The following EIF4G1 variants were observed in gnomAD, a reference collection of about 807,000 sequenced individuals.
EIF4G1 encodes the protein eukaryotic translation initiation factor 4 gamma 1.
A neutral mutation model predicts 187.8 loss-of-function variants in EIF4G1; 4 were observed. That is an observed-to-expected ratio of 0.02 (90% CI 0.01 to 0.05). The LOEUF (loss-of-function observed/expected upper bound fraction) is 0.05. Ranked by LOEUF, EIF4G1 falls within the 10% of genes least tolerant of loss-of-function variation. The probability of loss-of-function intolerance (pLI) is 1.00; values close to 1 mark genes in which losing one functional copy is unlikely to be tolerated. For synonymous variants in EIF4G1, 844 were observed against 781.4 expected (o/e 1.08, Z -1.34); for missense variants, 1,647 against 2,081.1 (o/e 0.79, Z 4.06).
chr3:184,316,520 C>G, intron 4 of EIF4G1, among the ~76,000 whole-genome samples: 1 of 152,156 alleles, frequency 6.6e-6, no homozygotes, highest in East Asian at 1.9e-4. Flanking sequence ...GCTGCTATTG[C>G]TCTATTGCTC....
Position 184,327,266 on chromosome 3 carries a change from G to T in EIF4G1, c.3479G>T (p.Arg1160Leu). 2 of 1,613,548 alleles carry T rather than the reference G, an allele frequency of 1.2e-6. No homozygotes were observed. Among genetic ancestry groups the T allele is most frequent in the Non-Finnish European group, 1.7e-6 (2 of 1,180,050 alleles). Reference protein sequence around the residue: ...RGEKAGDRGDRLERSERGGDR... With the variant: ...RGEKAGDRGDLLERSERGGDR... ...GAGAAAGCTGGAGACCGAGGAGACC[G>T]CCTAGAGCGGAGTGAACGGGGAGGG... Residue 1160 changes from arginine to leucine, a missense_variant, in exon 24 of 33, where the codon CGC becomes CTC. Arg to Leu is a moderately radical substitution (Grantham distance 102, BLOSUM62 -2). Transcript: ENST00000346169.
intron 10 of EIF4G1, 30 bp downstream of exon 10, chr3:184,322,133 G>T: frequency 6.2e-7 from 1 of 1,614,028 alleles, no homozygotes; most frequent in Non-Finnish European, 8.5e-7. Flanking sequence ...TAGAGGTAGG[G>T]CGGGCTAGGG....
chr3:184,327,028 T>C (rs1337431898), intron 23 of EIF4G1, 45 bp downstream of exon 23: 5 of 1,611,862 alleles, frequency 3.1e-6, no homozygotes, highest in South Asian at 1.1e-5. Flanking sequence ...GGGGGTACCG[T>C]GATTGGGTTC....
intron 7 of EIF4G1, 64 bp from the exon 8 acceptor site, chr3:184,320,566 T>A: frequency 6.2e-7 from 1 of 1,613,044 alleles, no homozygotes; most frequent in Non-Finnish European, 8.5e-7. Context: ...GTCTTAAGAT[T>A]GGGGCAGGGT....
At chr3:184,318,111 G>C (rs770837691) in intron 6 of EIF4G1, among the ~76,000 whole-genome samples, 10 of 152,186 alleles carry the variant, frequency 6.6e-5, no homozygotes, top group South Asian at 2.1e-4. Flanking sequence ...CCATGGTTGG[G>C]AGCCCATGTA....
chr3:184,334,878 T>C lies in EIF4G1; in HGVS notation c.4770T>C (p.Arg1590=), dbSNP rs199888870. The change falls in exon 33 of 33, where the codon CGT becomes CGC. Residue 1590 remains arginine (R), a synonymous_variant. Transcript: ENST00000346169. The surrounding 1 kb of genome is among the most constrained non-coding windows in gnomAD (Gnocchi z 5.8). The part of the protein sequence containing the change: ...KSVTAFFKWL[R]EAEEESDHN ...TCACAGCCTTCTTCAAGTGGCTCCG[T>C]GAAGCAGAGGAGGAGTCTGACCACA... is the stretch of plus-strand genomic sequence containing the variant. 23 of 1,614,152 alleles carry C rather than the reference T, an allele frequency of 1.4e-5. No individual in the cohort carries two copies. In the African/African-American group the frequency reaches 2.7e-4, roughly 19 times the overall value.
Position 184,329,095 on chromosome 3 carries a change from A to C in EIF4G1, c.4161+105A>C, listed in dbSNP as rs1725525894. ...CCATTGGTGGAGTGGAGTGATGGTG[A>C]TGACAGGATTGTGTTGGTACCTGGG... On this transcript the variant is annotated intron_variant, in intron 28 of 32. Transcript: ENST00000346169. 18 of 1,354,890 alleles carry C rather than the reference A, an allele frequency of 1.3e-5. 2 individuals are homozygous for C. In the Middle Eastern group the frequency reaches 7.3e-4, roughly 55 times the overall value. The allele number at this position is 1,354,890 out of a possible 1,614,324, so 83.9% of individuals were successfully genotyped here. A position where few individuals can be genotyped will look rare whatever the true frequency, so the allele number is the denominator to read the frequency against.
intron 9 of EIF4G1, 50 bp from the exon 10 acceptor site, chr3:184,321,232 G>C (rs573781627): frequency 6.2e-7 from 1 of 1,608,868 alleles, no homozygotes; most frequent in South Asian, 1.1e-5. Flanking sequence ...AGGAACAACA[G>C]CAGTTAAGCA....
chr3:184,326,137 AACACACACACACACAC>A (rs34901174), intron 21 of EIF4G1, among the ~76,000 whole-genome samples, 186 bp downstream of exon 21: 1 of 146,958 alleles, frequency 6.8e-6, no homozygotes. Context: ...GTGTTTGGCA[AACACACACACACACAC>A]ACACACACAC....
At position 184,321,507 on chromosome 3, in the gene EIF4G1, G is replaced by A; in HGVS notation, c.923G>A (p.Gly308Glu). ...TCAACCCCCATCTCCCGTGAAACTGGGGAGCCATATCGCCTCTCTCCAGAA... is the reference window on the plus strand; with the variant it reads ...TCAACCCCCATCTCCCGTGAAACTGAGGAGCCATATCGCCTCTCTCCAGAA... ...EESTPISRETGEPYRLSPEPT... is the reference protein window; with the variant it reads ...EESTPISRETEEPYRLSPEPT... Residue 308 changes from glycine to glutamate, a missense_variant, in exon 10 of 33, where the codon GGG becomes GAG. Gly to Glu is a moderately conservative substitution (Grantham distance 98). Transcript: ENST00000346169. 6.2e-7 allele frequency: 1 copy of A among 1,614,092 alleles called. No individual in the cohort carries two copies. The highest frequency in any genetic ancestry group is 2.2e-5 in the East Asian group (1 of 44,878).
chr3:184,315,275 C>T (rs1722543458), intron 1 of EIF4G1: 1 of 455,898 alleles, frequency 2.2e-6, no homozygotes. Context: ...TAGCTTCTGG[C>T]CCAGTGCGGG....
chr3:184,321,541 T>C lies in EIF4G1; in HGVS notation c.957T>C (p.Pro319=), dbSNP rs747506095. Residue 319 remains proline (P), a synonymous_variant, in exon 10 of 33, where the codon CCT becomes CCC. Coordinates refer to ENST00000346169, the MANE Select transcript of EIF4G1 (RefSeq NM_198241.3). ...EPYRLSPEPT[P]LAEPILEVEV... ...ATCGCCTCTCTCCAGAACCCACTCC[T>C]CTCGCCGAACCCATACTGGAAGTAG... The C allele has an allele frequency of 4.3e-6, 7 of 1,614,026 alleles. No homozygotes were observed. Among genetic ancestry groups the C allele is most frequent in the African/African-American group, 1.3e-5 (1 of 74,908 alleles).
In EIF4G1 at chr3:184,317,406, C is replaced by T. The variant is rs1480976208; in HGVS notation, c.233C>T (p.Ala78Val). ...GCCCCTGCCCGCCCTGGCCCAGCTG[C>T]CCATGTCTACCCTGCTGGATCCCAA... ...SAAPARPGPA[A>V]HVYPAGSQVM... Residue 78 changes from alanine to valine, a missense_variant, in exon 5 of 33, where the codon GCC becomes GTC. Ala to Val is a moderately conservative substitution (Grantham distance 64, BLOSUM62 0). This residue lies in a region of EIF4G1 where 139 missense variants were observed against 187.3 expected (regional missense o/e 0.74). Coordinates refer to ENST00000346169, the MANE Select transcript of EIF4G1 (RefSeq NM_198241.3). 4 of 1,614,132 alleles carry T rather than the reference C, an allele frequency of 2.5e-6. No individual in the cohort carries two copies. Among genetic ancestry groups the T allele is most frequent in the Non-Finnish European group, 3.4e-6 (4 of 1,180,014 alleles).
rs575770268 is a variant in EIF4G1, at chr3:184,327,130, G to T, written c.3429-86G>T. 91 of 1,580,938 alleles carry T rather than the reference G, an allele frequency of 5.8e-5. No homozygotes were observed. The African/African-American group carries it at 1.1e-3, about 20-fold the overall frequency. On this transcript the variant is annotated intron_variant, in intron 23 of 32. Coordinates refer to ENST00000346169, the MANE Select transcript of EIF4G1 (RefSeq NM_198241.3). The stretch of plus-strand genomic sequence containing the variant: ...GGCATACTCATTATGCTAAGAACAA[G>T]GCCCAACAGTTGCTCAGCATGTTGT...
At chr3:184,316,700 C>T in intron 4 of EIF4G1, 2 of 1,594,820 alleles carry the variant, frequency 1.3e-6, no homozygotes, top group Non-Finnish European at 1.7e-6. Context: ...TTCCTATCCC[C>T]ATGTGCTCTC....
In EIF4G1 at chr3:184,325,747, A is replaced by G. The variant is rs759625934; in HGVS notation, c.3122-104A>G. 8.1e-6 allele frequency: 13 copies of G among 1,609,264 alleles called. No homozygotes were observed. The highest frequency in any genetic ancestry group is 5.0e-5 in the Admixed American group (3 of 59,998). On this transcript the variant is annotated intron_variant, in intron 20 of 32. Transcript: ENST00000346169. The surrounding 1 kb of genome is among the most constrained non-coding windows in gnomAD (Gnocchi z 5.2). ...CACGTGTCTGGGCCACTGAGACACCATGATGGAACTGAGGATCTGAGGAAG... is the reference window on the plus strand; with the variant it reads ...CACGTGTCTGGGCCACTGAGACACCGTGATGGAACTGAGGATCTGAGGAAG...
In EIF4G1 at chr3:184,321,887, C is replaced by G. The variant is rs761222194; in HGVS notation, c.1303C>G (p.Pro435Ala). 7 of 1,614,018 alleles carry G rather than the reference C, an allele frequency of 4.3e-6. No individual in the cohort carries two copies. Among genetic ancestry groups the G allele is most frequent in the African/African-American group, 4.0e-5 (3 of 74,912 alleles). The change falls in exon 10 of 33, where the codon CCC becomes GCC. Residue 435 changes from proline to alanine, a missense_variant. By Grantham distance (27) the Pro-to-Ala change is conservative. Around this residue, in one of 11 missense-constraint regions of EIF4G1, gnomAD observed 522 missense variants for 485.2 expected, o/e 1.08. Coordinates refer to ENST00000346169, the MANE Select transcript of EIF4G1 (RefSeq NM_198241.3). Reference sequence around the variant, plus strand: ...GGAGGTGACAGCATCAATGGCGCCCCCCACCATCCCCTCTGCTACTCCAGC... The same window carrying G: ...GGAGGTGACAGCATCAATGGCGCCCGCCACCATCCCCTCTGCTACTCCAGC... Reference protein sequence around the residue: ...AKEVTASMAPPTIPSATPATA... With the variant: ...AKEVTASMAPATIPSATPATA...
At chr3:184,318,896 C>T (rs907207700) in intron 6 of EIF4G1, among the ~76,000 whole-genome samples, 13 of 152,062 alleles carry the variant, frequency 8.5e-5, no homozygotes, top group African/African-American at 2.4e-4. Flanking sequence ...TGAGCCACCA[C>T]GCCTGGCCCT....
chr3:184,322,176 C>G, intron 10 of EIF4G1, 73 bp downstream of exon 10: 1 of 1,605,956 alleles, frequency 6.2e-7, no homozygotes, highest in Non-Finnish European at 8.5e-7. Context: ...GATGACCGCC[C>G]ATTTTTGACA....
Sources: gnomAD v4.1 joint callset for allele counts (sites outside exome capture counted in the v4.1 genomes callset) on GRCh38, gnomAD v4.1.1 for gene constraint, gnomAD v4.1.1 regional missense constraint, Gnocchi (gnomAD v3.1) non-coding constraint, MANE v1.5 for transcripts, NCBI Gene and HGNC (gene_info 2026-07-23, HGNC 2026-07-21) for gene names.